The following CEP128 variants were observed in gnomAD, a reference collection of about 807,000 sequenced individuals.
CEP128 encodes the protein centrosomal protein 128kDa.
In CEP128, 132 loss-of-function variants were observed where a neutral mutation model predicts 156.7. That is an observed-to-expected ratio of 0.84 (90% CI 0.73 to 0.97). The LOEUF is 0.97. Ranked by LOEUF, CEP128 falls within the 50% of genes least tolerant of loss-of-function variation. CEP128 has a pLI of 0.00. For missense variants in CEP128, 1,252 were observed against 1,281.9 expected (o/e 0.98, Z 0.36); for synonymous variants, 469 against 448.9 (o/e 1.04, Z -0.57).
chr14:80,846,795 C>T (rs368294955), intron 9 of CEP128, among the ~76,000 whole-genome samples: 27 of 152,100 alleles, frequency 1.8e-4, no homozygotes, highest in East Asian at 7.7e-4. Flanking sequence ...ATTTATACAT[C>T]ATCTTGTAAA....
intron 8 of CEP128, among the ~76,000 whole-genome samples, chr14:80,880,692 TA>T (rs372579820): frequency 0.5 from 71,708 of 142,758 alleles, 18,060 homozygotes; most frequent in African/African-American, 0.58. Context: ...CCCTCTCTAC[TA>T]AAAAAAAAAA....
intron 21 of CEP128, among the ~76,000 whole-genome samples, chr14:80,535,580 T>C (rs1291182767): frequency 2.6e-5 from 4 of 151,984 alleles, no homozygotes; most frequent in Non-Finnish European, 5.9e-5. Flanking sequence ...TAAACACACT[T>C]GTGTGCACAC....
intron 19 of CEP128, among the ~76,000 whole-genome samples, chr14:80,654,146 G>A (rs190635724): frequency 3.9e-5 from 6 of 152,250 alleles, no homozygotes; most frequent in South Asian, 4.1e-4. Context: ...TTTGTGACTC[G>A]TGAATCCCTG....
At chr14:80,764,670 A>G (rs1900151801) in intron 16 of CEP128, among the ~76,000 whole-genome samples, 1 of 152,136 alleles carries the variant, frequency 6.6e-6, no homozygotes, top group Non-Finnish European at 1.5e-5. Flanking sequence ...CTCCTTCAGG[A>G]TTCCCTTATT....
chr14:80,900,004 C>T lies in CEP128; in HGVS notation c.506G>A (p.Arg169Gln), dbSNP rs771837070. 5.6e-6 allele frequency: 9 copies of T among 1,612,568 alleles called. No homozygotes were observed. In the East Asian group the frequency reaches 8.9e-5, roughly 16 times the overall value. The change falls in exon 7 of 25, where the codon CGA (arginine) becomes CAA (glutamine). Residue 169 changes from arginine to glutamine, a missense_variant. Arg to Gln is a conservative substitution (Grantham distance 43). Transcript: ENST00000555265. ...TQLHGFHQSL[R>Q]DLSSEQIRLG... ...GCGAATTTGTTCACTGCTGAGGTCT[C>T]GAAGAGACTGATGAAAACCATGAAG...
At chr14:80,891,737 A>G (rs1367401546) in intron 8 of CEP128, among the ~76,000 whole-genome samples, 2 of 152,034 alleles carry the variant, frequency 1.3e-5, no homozygotes, top group Admixed American at 1.3e-4. Flanking sequence ...TTGAGGTGAT[A>G]GATACTCCCA....
At chr14:80,880,043 T>C (rs1595538046) in intron 8 of CEP128, among the ~76,000 whole-genome samples, 1 of 152,314 alleles carries the variant, frequency 6.6e-6, no homozygotes, top group East Asian at 1.9e-4. Flanking sequence ...AAGAAAGCTA[T>C]GACAATCTTT....
At chr14:80,567,970 C>T (rs140300996) in intron 20 of CEP128, among the ~76,000 whole-genome samples, 8 of 152,050 alleles carry the variant, frequency 5.3e-5, no homozygotes, top group African/African-American at 1.9e-4. Context: ...TACACGACAC[C>T]AGTCGTGAGG....
At position 80,560,372 on chromosome 14, in the gene CEP128, C is replaced by CCCAGGAA. The variant is rs565672147; in HGVS notation, c.2857-1071_2857-1070insTTCCTGG. ...CCCAGGAATCAGAGGTTGCAGTGAA[C>CCCAGGAA]TGAGATCAAGCCACTGCACTCCAGC... On this transcript the variant is annotated intron_variant, in intron 20 of 24. Coordinates refer to ENST00000555265, the MANE Select transcript of CEP128 (RefSeq NM_152446.5). Among the ~76,000 whole-genome samples the CCCAGGAA allele has an allele frequency of 9.6e-3, 1,467 of 152,286 alleles. 13 individuals carry two copies. The highest frequency in any genetic ancestry group is 0.017 in the Middle Eastern group (5 of 294).
chr14:80,767,626 C>G (rs1282166879), intron 16 of CEP128, among the ~76,000 whole-genome samples: 2 of 152,092 alleles, frequency 1.3e-5, no homozygotes, highest in Non-Finnish European at 2.9e-5. Context: ...ACCCCTCCTT[C>G]CTCACCCACA....
intron 19 of CEP128, among the ~76,000 whole-genome samples, chr14:80,638,425 C>T (rs193046846): frequency 4.6e-5 from 7 of 152,260 alleles, no homozygotes; most frequent in African/African-American, 7.2e-5. Flanking sequence ...AAACTGTGCA[C>T]GAAGCCCAAT....
intron 19 of CEP128, among the ~76,000 whole-genome samples, chr14:80,641,509 A>C (rs1894405802): frequency 6.6e-6 from 1 of 152,184 alleles, no homozygotes; most frequent in South Asian, 2.1e-4. Flanking sequence ...AAGGTGCAGA[A>C]CCTGTCTTTG....
At chr14:80,675,780 ATTTTCCCATATGGATAAAAT>A (rs531076833) in intron 19 of CEP128, among the ~76,000 whole-genome samples, 1 of 152,146 alleles carries the variant, frequency 6.6e-6, no homozygotes, top group African/African-American at 2.4e-5. Flanking sequence ...ACTTTTAAAT[ATTTTCCCATATGGATAAAAT>A]TTTTCCCTAC....
At chr14:80,561,894 G>GTATATATA (rs1487096663) in intron 20 of CEP128, among the ~76,000 whole-genome samples, 1 of 80,482 alleles carries the variant, frequency 1.2e-5, no homozygotes, top group Non-Finnish European at 2.6e-5. Context: ...AAATACGAAG[G>GTATATATA]TCTATATATA....
intron 9 of CEP128, among the ~76,000 whole-genome samples, chr14:80,847,878 A>T (rs1201471471): frequency 3.3e-5 from 5 of 152,204 alleles, no homozygotes; most frequent in Admixed American, 3.3e-4. Flanking sequence ...CAGTACCTGA[A>T]TTATATTAGG....
At chr14:80,616,094 G>A (rs1288439691) in intron 19 of CEP128, among the ~76,000 whole-genome samples, 2 of 152,094 alleles carry the variant, frequency 1.3e-5, no homozygotes, top group African/African-American at 4.8e-5. Flanking sequence ...AAAGGTCGCC[G>A]GTGGCCTGTT....
chr14:80,764,500 C>T (rs554875985), intron 16 of CEP128, among the ~76,000 whole-genome samples: 1 of 149,098 alleles, frequency 6.7e-6, no homozygotes, highest in African/African-American at 2.5e-5. Flanking sequence ...AGCGAGACTC[C>T]GTCTCAAAAA....
At chr14:80,779,441 C>T (rs1900980694) in intron 15 of CEP128, among the ~76,000 whole-genome samples, 2 of 152,138 alleles carry the variant, frequency 1.3e-5, no homozygotes, top group African/African-American at 4.8e-5. Flanking sequence ...AATAAAATCT[C>T]TCATCAGGAA....
intron 21 of CEP128, among the ~76,000 whole-genome samples, chr14:80,531,863 A>C (rs1369574859): frequency 6.6e-6 from 1 of 152,100 alleles, no homozygotes; most frequent in East Asian, 1.9e-4. Context: ...GGACTCTGAG[A>C]GTGTCACTTC....
Sources: gnomAD v4.1 joint callset for allele counts (sites outside exome capture counted in the v4.1 genomes callset) on GRCh38, gnomAD v4.1.1 for gene constraint, MANE v1.5 for transcripts, NCBI Gene and HGNC (gene_info 2026-07-23, HGNC 2026-07-21) for gene names.